PCDHGA5: variants seen among roughly 807,000 people sequenced by gnomAD.
PCDHGA5 encodes protocadherin gamma-A5.
In PCDHGA5, 36 loss-of-function variants were observed where a neutral mutation model predicts 56.7. That is an observed-to-expected ratio of 0.64 (90% confidence interval 0.49 to 0.84). PCDHGA5 has a LOEUF of 0.84. Among genes scored for constraint, PCDHGA5 ranks in the 40% least tolerant of loss-of-function variants. The probability of loss-of-function intolerance (pLI) is 0.00; values close to 1 mark genes in which losing one functional copy is unlikely to be tolerated. For missense variants in PCDHGA5, 1,305 were observed against 1,201.5 expected (o/e 1.09, Z -1.27); for synonymous variants, 563 against 520.2 (o/e 1.08, Z -1.12).
At position 141,364,458 on chromosome 5, in the gene PCDHGA5, C is replaced by G; in HGVS notation, c.128C>G (p.Ser43Cys). 6.2e-7 allele frequency: 1 copy of G among 1,614,028 alleles called. No homozygotes were observed. ...ATGCCGGAGGAGCTGGACAAAGGCT[C>G]CTTCGTCGGCAACATAGCCAAGGAC... ...YSMPEELDKGSFVGNIAKDLG... is the reference protein window; with the variant it reads ...YSMPEELDKGCFVGNIAKDLG... The change falls in exon 1 of 4, where the codon TCC (serine) becomes TGC (cysteine). Residue 43 changes from serine (S) to cysteine (C), a missense_variant. Physicochemically the swap from Ser to Cys is moderately radical, Grantham distance 112. Coordinates refer to ENST00000518069, the MANE Select transcript of PCDHGA5 (RefSeq NM_018918.3).
At position 141,477,020 on chromosome 5, in the gene PCDHGA5, G is replaced by A; in HGVS notation, c.2422-17787G>A. The A allele has an allele frequency of 6.2e-7, 1 of 1,614,224 alleles. No individual in the cohort carries two copies. Among genetic ancestry groups the A allele is most frequent in the Non-Finnish European group, 8.5e-7 (1 of 1,180,048 alleles). ...ACTATTCGCCTTAGACCTTGTAACC[G>A]GGATGCTGACAATCAAGGGTCGGCT... On this transcript the variant is annotated intron_variant, in intron 1 of 3. Transcript: ENST00000518069. This position sits in a 1 kb window ranked among gnomAD's most constrained non-coding sequence, Gnocchi z 4.9.
intron 1 of PCDHGA5, among the ~76,000 whole-genome samples, chr5:141,452,529 G>A (rs758947494): frequency 1.3e-5 from 2 of 152,176 alleles, no homozygotes; most frequent in Non-Finnish European, 2.9e-5. Context: ...AAAATCGTGA[G>A]TTCATATTGA....
At chr5:141,374,608 T>C (rs1480045739) in intron 1 of PCDHGA5, 1 of 1,613,484 alleles carries the variant, frequency 6.2e-7, no homozygotes, top group African/African-American at 1.3e-5. Flanking sequence ...TCAGTGGTAA[T>C]AGTCACTTCT....
chr5:141,467,736 G>A (rs1435480730), intron 1 of PCDHGA5, among the ~76,000 whole-genome samples: 1 of 151,902 alleles, frequency 6.6e-6, no homozygotes, highest in Non-Finnish European at 1.5e-5. Flanking sequence ...ATCCCAGCTC[G>A]CTGCAACCTC....
intron 3 of PCDHGA5, among the ~76,000 whole-genome samples, chr5:141,505,942 G>A (rs2099849309): frequency 6.6e-6 from 1 of 152,192 alleles, no homozygotes; most frequent in African/African-American, 2.4e-5. Flanking sequence ...AAGCCCTCAA[G>A]CAATGAAAGT....
chr5:141,418,247 G>T, intron 1 of PCDHGA5: 1 of 1,614,032 alleles, frequency 6.2e-7, no homozygotes, highest in Non-Finnish European at 8.5e-7. Context: ...TAATGACCAC[G>T]CCCCTCAATT....
At chr5:141,435,004 A>G (rs1481428383) in intron 1 of PCDHGA5, among the ~76,000 whole-genome samples, 1 of 152,096 alleles carries the variant, frequency 6.6e-6, no homozygotes, top group Non-Finnish European at 1.5e-5. Flanking sequence ...AGCTGAATTT[A>G]TCAATGATAA....
chr5:141,405,192 G>A (rs2154536235), intron 1 of PCDHGA5: 5 of 1,613,938 alleles, frequency 3.1e-6, no homozygotes, highest in East Asian at 2.2e-5. Context: ...GATGGGGTTC[G>A]AGCTTTCCTA....
At chr5:141,408,205 G>A (rs1222360149) in intron 1 of PCDHGA5, 2 of 1,551,762 alleles carry the variant, frequency 1.3e-6, no homozygotes, top group Non-Finnish European at 1.7e-6. Context: ...AGCGAACGAT[G>A]GGAGGGAGCT....
intron 2 of PCDHGA5, among the ~76,000 whole-genome samples, chr5:141,503,351 C>T (rs1186394919): frequency 6.6e-6 from 1 of 151,994 alleles, no homozygotes; most frequent in Admixed American, 6.6e-5. Context: ...AATTCCAGCA[C>T]TTTGGGAAGC....
At chr5:141,375,365 G>A (rs1227294856) in intron 1 of PCDHGA5, 1 of 1,613,790 alleles carries the variant, frequency 6.2e-7, no homozygotes, top group Non-Finnish European at 8.5e-7. Flanking sequence ...CACGGACAAA[G>A]GAACACCACC....
At chr5:141,446,891 C>A (rs1457416718) in intron 1 of PCDHGA5, among the ~76,000 whole-genome samples, 1 of 152,152 alleles carries the variant, frequency 6.6e-6, no homozygotes, top group Non-Finnish European at 1.5e-5. Context: ...GGGTTCATGG[C>A]TGAGCTACTT....
In PCDHGA5 at chr5:141,364,610, G is replaced by A. The variant is rs772530649; in HGVS notation, c.280G>A (p.Glu94Lys). 1.2e-6 allele frequency: 2 copies of A among 1,614,152 alleles called. No homozygotes were observed. Among genetic ancestry groups the A allele is most frequent in the South Asian group, 1.1e-5 (1 of 91,086 alleles). ...CACCGCGGGCAGGATAGACCGGGAG[G>A]AGCTCTGCGCTCAGAGCCCACTGTG... ...LVTAGRIDREELCAQSPLCVV... is the reference protein window; with the variant it reads ...LVTAGRIDREKLCAQSPLCVV... The change falls in exon 1 of 4, where the codon GAG becomes AAG. Residue 94 changes from glutamate to lysine, a missense_variant. Glu to Lys is a moderately conservative substitution (Grantham distance 56). Coordinates refer to ENST00000518069, the MANE Select transcript of PCDHGA5 (RefSeq NM_018918.3).
intron 1 of PCDHGA5, among the ~76,000 whole-genome samples, chr5:141,434,888 C>T (rs1287540129): frequency 6.6e-6 from 1 of 150,944 alleles, no homozygotes; most frequent in Non-Finnish European, 1.5e-5. Flanking sequence ...AACAACAATC[C>T]AGTCCCCTTC....
At chr5:141,455,860 ATTATTTAT>A (rs145569377) in intron 1 of PCDHGA5, among the ~76,000 whole-genome samples, 26,605 of 139,696 alleles carry the variant, frequency 0.19, 2,610 homozygotes, top group Middle Eastern at 0.23. Context: ...AATTTCTTTT[ATTATTTAT>A]TTATTTATTT....
intron 1 of PCDHGA5, chr5:141,427,221 T>C (rs1312743800): frequency 2.2e-6 from 1 of 456,628 alleles, no homozygotes; most frequent in Non-Finnish European, 4.4e-6. Context: ...TCGTAGCAGT[T>C]ATACCATGAG....
At chr5:141,478,845 A>G in intron 1 of PCDHGA5, 2 of 1,389,784 alleles carry the variant, frequency 1.4e-6, no homozygotes, top group Non-Finnish European at 9.5e-7. Flanking sequence ...TGGTTAAGCT[A>G]AAACACAAGA....
Position 141,487,845 on chromosome 5 carries a change from A to C in PCDHGA5, c.2422-6962A>C, listed in dbSNP as rs2099667978. ...GGGTCATGCCTATATCTGAGTAAGA[A>C]ATGAAAGTAATTGGTGATCAAGAGC... On this transcript the variant is annotated intron_variant, in intron 1 of 3. Coordinates refer to ENST00000518069, the MANE Select transcript of PCDHGA5 (RefSeq NM_018918.3). The surrounding 1 kb of genome is among the most constrained non-coding windows in gnomAD (Gnocchi z 5.0). 2.9e-6 allele frequency: 3 copies of C among 1,027,382 alleles called. No homozygotes were observed. Among genetic ancestry groups the C allele is most frequent in the Non-Finnish European group, 4.2e-6 (3 of 716,452 alleles). The allele number at this position is 1,027,382 out of a possible 1,614,324, so 63.6% of individuals were successfully genotyped here.
chr5:141,366,536 C>T lies in PCDHGA5; in HGVS notation c.2206C>T (p.Pro736Ser), dbSNP rs779007704. ...QAEGSRLAGV[P>S]ASHFVGVDGV... ...TGAAGGCAGCAGGTTGGCGGGTGTG[C>T]CCGCCTCGCACTTTGTGGGCGTGGA... The change falls in exon 1 of 4, where the codon CCC becomes TCC. Residue 736 changes from proline to serine, a missense_variant. Transcript: ENST00000518069. 1.9e-6 allele frequency: 3 copies of T among 1,614,132 alleles called. No individual in the cohort carries two copies. Among genetic ancestry groups the T allele is most frequent in the African/African-American group, 1.3e-5 (1 of 74,954 alleles).
Sources: gnomAD v4.1 joint callset for allele counts (sites outside exome capture counted in the v4.1 genomes callset) on GRCh38, gnomAD v4.1.1 for gene constraint, Gnocchi (gnomAD v3.1) non-coding constraint, MANE v1.5 for transcripts, NCBI Gene and HGNC (gene_info 2026-07-23, HGNC 2026-07-21) for gene names.